AXL: variants seen among roughly 807,000 people sequenced by gnomAD.
AXL encodes the protein AXL receptor tyrosine kinase, also known as tyrosine-protein kinase receptor UFO.
In AXL, 52 loss-of-function variants were observed where a neutral mutation model predicts 104.5. The ratio of observed to expected loss-of-function variants is 0.50; its 90% CI spans 0.40 to 0.63. The LOEUF (loss-of-function observed/expected upper bound fraction) is 0.63, where lower values mean the gene tolerates loss of function less well. Among genes scored for constraint, AXL ranks in the 20% least tolerant of loss-of-function variants. The pLI is 0.00. For missense variants in AXL, 1,024 were observed against 1,188.5 expected (o/e 0.86, Z 2.04); for synonymous variants, 455 against 473.7 (o/e 0.96, Z 0.51).
intron 18 of AXL, 74 bp from the exon 19 acceptor site, chr19:41,257,419 T>G: frequency 1.9e-6 from 3 of 1,589,110 alleles, no homozygotes; most frequent in Non-Finnish European, 2.6e-6. Flanking sequence ...AGTGTGGGTG[T>G]ACCCATGAAC....
intron 10 of AXL, among the ~76,000 whole-genome samples, chr19:41,241,358 C>T (rs2034177270): frequency 6.6e-6 from 1 of 152,024 alleles, no homozygotes; most frequent in Non-Finnish European, 1.5e-5. Flanking sequence ...GCCTGGCCAA[C>T]ATTGGCGAAA....
intron 1 of AXL, 123 bp from the exon 2 acceptor site, chr19:41,220,513 A>C (rs1242812033): frequency 2.5e-6 from 2 of 787,876 alleles, no homozygotes; most frequent in Non-Finnish European, 4.0e-6. Flanking sequence ...TCACTCTGCA[A>C]CTATGTCGGC....
rs766027230 is a variant in AXL, at chr19:41,239,736, C to A, written c.1312+16C>A. 1.9e-6 allele frequency: 3 copies of A among 1,614,098 alleles called. No homozygotes were observed. Among genetic ancestry groups the A allele is most frequent in the Admixed American group, 1.7e-5 (1 of 60,012 alleles). The stretch of plus-strand genomic sequence containing the variant: ...CACCAGCTGGGTAAGGGCTTCCACA[C>A]CCCATCTCCTCCTTCCCTACCCTCA... On this transcript the variant is annotated intron_variant, in intron 10 of 19. Transcript: ENST00000301178.
intron 4 of AXL, among the ~76,000 whole-genome samples, chr19:41,228,422 C>T (rs2081504173): frequency 1.3e-5 from 2 of 152,118 alleles, no homozygotes; most frequent in South Asian, 2.1e-4. Flanking sequence ...GGCATGGTGG[C>T]GCGCTCCTGT....
intron 4 of AXL, among the ~76,000 whole-genome samples, chr19:41,228,252 C>T (rs1188335568): frequency 6.6e-6 from 1 of 152,032 alleles, no homozygotes; most frequent in Non-Finnish European, 1.5e-5. Context: ...TCCACCTTCA[C>T]TCGAAAACAG....
chr19:41,251,585 G>T (rs2034362278), intron 14 of AXL, among the ~76,000 whole-genome samples: 1 of 151,364 alleles, frequency 6.6e-6, no homozygotes, highest in Admixed American at 6.6e-5. Flanking sequence ...AAAATTATCC[G>T]GGATGGTGGT....
chr19:41,245,435 T>C (rs1359377353), intron 12 of AXL, among the ~76,000 whole-genome samples: 1 of 152,132 alleles, frequency 6.6e-6, no homozygotes, highest in Non-Finnish European at 1.5e-5. Context: ...GTCAAATCTG[T>C]TCTTTCGGCT....
chr19:41,257,512 T>C lies in AXL; in HGVS notation c.2216T>C (p.Met739Thr), dbSNP rs772572864. ...TCACAGTGGTCCTTCGGGGTGACAA[T>C]GTGGGAGATTGCCACAAGAGGCCAA... ...KSDVWSFGVT[M>T]WEIATRGQTP... The change falls in exon 19 of 20, where the codon ATG becomes ACG. Residue 739 changes from methionine to threonine, a missense_variant. Around this residue, in one of 5 missense-constraint regions of AXL, gnomAD observed 523 missense variants for 636.0 expected, o/e 0.82. Coordinates refer to ENST00000301178, the MANE Select transcript of AXL (RefSeq NM_021913.5). 6 of 1,614,050 alleles carry C rather than the reference T, an allele frequency of 3.7e-6. No individual in the cohort carries two copies. Among genetic ancestry groups the C allele is most frequent in the Non-Finnish European group, 5.1e-6 (6 of 1,180,008 alleles).
In AXL at chr19:41,260,842, G is replaced by A. The variant is rs1468107303; in HGVS notation, c.*938G>A. ...CTAGACATGGAGGTTCTAAGGCCTA[G>A]GATTCTAAAATGTGATGTTCTAAGG... On this transcript the variant is annotated 3_prime_UTR_variant, in exon 20 of 20. Coordinates refer to ENST00000301178, the MANE Select transcript of AXL (RefSeq NM_021913.5). 6.6e-6 allele frequency: 1 copy of A among 152,060 alleles called. No homozygotes were observed. Among genetic ancestry groups the A allele is most frequent in the African/African-American group, 2.4e-5 (1 of 41,390 alleles). The allele number at this position is 152,060 out of a possible 1,614,324, so 9.4% of individuals were successfully genotyped here.
chr19:41,235,967 C>T (rs1330981220), intron 6 of AXL, among the ~76,000 whole-genome samples: 1 of 151,068 alleles, frequency 6.6e-6, no homozygotes. Flanking sequence ...GAGGCCGAGG[C>T]AGGTGGATTA....
chr19:41,226,372 C>G (rs533677710), intron 4 of AXL, among the ~76,000 whole-genome samples: 5 of 152,310 alleles, frequency 3.3e-5, no homozygotes, highest in South Asian at 2.1e-4. Context: ...GCCGCCCGCC[C>G]GGGACTGTAC....
In AXL at chr19:41,219,819, A is replaced by C. The variant is rs190362986; in HGVS notation, c.85+342A>C. 8.4e-3 allele frequency among the ~76,000 whole-genome samples: 1,267 copies of C among 151,578 alleles called. 10 individuals are homozygous for C. Among genetic ancestry groups the C allele is most frequent in the Non-Finnish European group, 0.01 (699 of 67,848 alleles). On this transcript the variant is annotated intron_variant, in intron 1 of 19. Coordinates refer to ENST00000301178, the MANE Select transcript of AXL (RefSeq NM_021913.5). ...GCTGAGGGTCGCCAGGAAGGAAGAA[A>C]TCTTTCCGAAGGGGCACCGAGTCAG...
chr19:41,224,487 C>T (rs1317448892), intron 4 of AXL, among the ~76,000 whole-genome samples: 1 of 152,102 alleles, frequency 6.6e-6, no homozygotes, highest in Non-Finnish European at 1.5e-5. Context: ...ATCCTCCTAC[C>T]TCAGCACCCT....
chr19:41,228,307 C>T (rs549489462), intron 4 of AXL, among the ~76,000 whole-genome samples: 1 of 152,190 alleles, frequency 6.6e-6, no homozygotes, highest in African/African-American at 2.4e-5. Context: ...GATCCCAGCA[C>T]TTTGGGAGGC....
intron 6 of AXL, 65 bp from the exon 7 acceptor site, chr19:41,237,879 G>C (rs2034107263): frequency 2.0e-6 from 3 of 1,470,152 alleles, no homozygotes; most frequent in Non-Finnish European, 2.9e-6. Flanking sequence ...CCACCACTGG[G>C]AGCTGTGTGA....
intron 4 of AXL, among the ~76,000 whole-genome samples, chr19:41,223,006 A>T (rs538572469): frequency 2.6e-5 from 4 of 151,324 alleles, no homozygotes; most frequent in Non-Finnish European, 4.4e-5. Context: ...CATAGACAGG[A>T]CAGAGAGGCC....
At position 41,246,429 on chromosome 19, in the gene AXL, A is replaced by G. The variant is rs530302256; in HGVS notation, c.1538-2085A>G. Among the ~76,000 whole-genome samples the G allele has an allele frequency of 2.6e-4, 40 of 151,574 alleles. 1 individual carries two copies. Among genetic ancestry groups the G allele is most frequent in the African/African-American group, 9.4e-4 (39 of 41,380 alleles). On this transcript the variant is annotated intron_variant, in intron 12 of 19. Transcript: ENST00000301178. Reference sequence around the variant, plus strand: ...ACCACTGGACTTCAGCCTGGGCAACAGAGTGAGACTGTCTCAAAAAAAAAA... The same window carrying G: ...ACCACTGGACTTCAGCCTGGGCAACGGAGTGAGACTGTCTCAAAAAAAAAA...
intron 14 of AXL, among the ~76,000 whole-genome samples, chr19:41,249,523 A>G (rs184071397): frequency 7.6e-4 from 116 of 152,294 alleles, no homozygotes; most frequent in African/African-American, 2.7e-3. Flanking sequence ...TGGGAGGCCA[A>G]GGCGGGTGGA....
chr19:41,259,665 C>T lies in AXL; in HGVS notation c.2446C>T (p.Pro816Ser), dbSNP rs2034505113. 1.2e-6 allele frequency: 2 copies of T among 1,614,100 alleles called. No individual in the cohort carries two copies. Among genetic ancestry groups the T allele is most frequent in the Non-Finnish European group, 8.5e-7 (1 of 1,180,014 alleles). ...TLKALPPAQE[P>S]DEILYVNMDE... ...GAAGGCCTTGCCTCCTGCCCAGGAGCCTGACGAAATCCTCTATGTCAACAT... is the reference window on the plus strand; with the variant it reads ...GAAGGCCTTGCCTCCTGCCCAGGAGTCTGACGAAATCCTCTATGTCAACAT... The change falls in exon 20 of 20, where the codon CCT becomes TCT. Residue 816 changes from proline (P) to serine (S), a missense_variant. Physicochemically the swap from Pro to Ser is moderately conservative, Grantham distance 74. Coordinates refer to ENST00000301178, the MANE Select transcript of AXL (RefSeq NM_021913.5).
Sources: gnomAD v4.1 joint callset for allele counts (sites outside exome capture counted in the v4.1 genomes callset) on GRCh38, gnomAD v4.1.1 for gene constraint, gnomAD v4.1.1 regional missense constraint, MANE v1.5 for transcripts, NCBI Gene and HGNC (gene_info 2026-07-23, HGNC 2026-07-21) for gene names.